C10orf143: variants seen among roughly 807,000 people sequenced by gnomAD.
The protein encoded by C10orf143 is uncharacterized protein C10orf143.
Position 130,056,142 on chromosome 10 carries a change from T to A in C10orf143, c.298-20172A>T, listed in dbSNP as rs1247082190. Among the ~76,000 whole-genome samples the A allele has an allele frequency of 1.3e-5, 2 of 152,180 alleles. No individual in the cohort carries two copies. The highest frequency in any genetic ancestry group is 2.9e-5 in the Non-Finnish European group (2 of 68,040). On this transcript the variant is annotated intron_variant and NMD_transcript_variant, in intron 3 of 5. Coordinates refer to the C10orf143 transcript ENST00000643056. The surrounding 1 kb of genome is among the most constrained non-coding windows in gnomAD (Gnocchi z 4.6). ...AAATGCAATTTAAAGTAAGTAAATTTAGATGTCAGAAAGGAAATCTTGTTT... is the reference window on the plus strand; with the variant it reads ...AAATGCAATTTAAAGTAAGTAAATTAAGATGTCAGAAAGGAAATCTTGTTT...
At chr10:130,082,879 A>G (rs530409558) in intron 1 of C10orf143, among the ~76,000 whole-genome samples, 3 of 151,084 alleles carry the variant, frequency 2.0e-5, no homozygotes, top group African/African-American at 7.3e-5. Context: ...AAGATTTTCT[A>G]ACTATGATTC....
intron 3 of C10orf143, among the ~76,000 whole-genome samples, chr10:130,038,782 C>T (rs1166213170): frequency 6.6e-6 from 1 of 152,138 alleles, no homozygotes; most frequent in Non-Finnish European, 1.5e-5. Context: ...CTACAGCCCA[C>T]CTCAGTGCAG....
At position 130,064,028 on chromosome 10, in the gene C10orf143, C is replaced by T. The variant is rs1232690090; in HGVS notation, c.*326G>A. The T allele has an allele frequency of 4.3e-6, 1 of 234,308 alleles. No individual in the cohort carries two copies. The highest frequency in any genetic ancestry group is 8.2e-6 in the Non-Finnish European group (1 of 122,048). 14.5% of individuals were successfully genotyped at this position (234,308 alleles called of 1,614,324 possible). A position where few individuals can be genotyped will look rare whatever the true frequency, so the allele number is the denominator to read the frequency against. The stretch of plus-strand genomic sequence containing the variant: ...TCCATAGGCCATGAGTGCCCAAGCT[C>T]ATAGGAAGTTTGATACAAAATTTTT... On this transcript the variant is annotated 3_prime_UTR_variant, in exon 4 of 4. Coordinates refer to ENST00000637128, the MANE Select transcript of C10orf143 (RefSeq NM_001355042.2).
chr10:130,099,823 A>AT (rs1218779234), intron 1 of C10orf143, among the ~76,000 whole-genome samples: 5 of 141,036 alleles, frequency 3.5e-5, no homozygotes, highest in African/African-American at 5.3e-5. Flanking sequence ...GCTCAACCTA[A>AT]ATTTTTTTTA....
rs940638245 is a variant in C10orf143, at chr10:130,088,586, C to T, written c.70-8685G>A. ...AGTGTATAATGCTGGGTAATTCAGT[C>T]CTTAGGTACCAGGAACAGTCAGCTG... is the stretch of plus-strand genomic sequence containing the variant. On this transcript the variant is annotated intron_variant, in intron 1 of 3. Coordinates refer to ENST00000637128, the MANE Select transcript of C10orf143 (RefSeq NM_001355042.2). Among the ~76,000 whole-genome samples the T allele has an allele frequency of 7.2e-5, 11 of 152,150 alleles. No individual in the cohort carries two copies. In the South Asian group the frequency reaches 2.3e-3, roughly 32 times the overall value.
At chr10:130,036,638 T>C (rs1192047675) in intron 3 of C10orf143, among the ~76,000 whole-genome samples, 1 of 152,158 alleles carries the variant, frequency 6.6e-6, no homozygotes, top group Non-Finnish European at 1.5e-5. Context: ...TTCAATAGTA[T>C]TTGACAAAGA....
rs543402958 is a variant in C10orf143, at chr10:130,046,161, G to T, written c.298-10191C>A. On this transcript the variant is annotated intron_variant and NMD_transcript_variant, in intron 3 of 5. Coordinates refer to the C10orf143 transcript ENST00000643056. The stretch of plus-strand genomic sequence containing the variant: ...GAAGGGGCAGGGCACGAGGAGTGGG[G>T]CGAGAGGTGCTAAGTGGGGCCTGAG... Among the ~76,000 whole-genome samples the T allele has an allele frequency of 8.6e-4, 131 of 151,702 alleles. 2 individuals carry two copies. Among genetic ancestry groups the T allele is most frequent in the East Asian group, 1.8e-3 (9 of 5,124 alleles).
chr10:130,063,771 T>A (rs1329930471), downstream of C10orf143: 2 of 152,198 alleles, frequency 1.3e-5, no homozygotes, highest in African/African-American at 4.8e-5. Flanking sequence ...AGACGATACA[T>A]TGAAAACCCA....
chr10:130,081,125 T>TA (rs1861201097), intron 1 of C10orf143, among the ~76,000 whole-genome samples: 1 of 152,022 alleles, frequency 6.6e-6, no homozygotes, highest in Admixed American at 6.5e-5. Flanking sequence ...TCTGAAAGGC[T>TA]AAAAATAAAA....
intron 3 of C10orf143, among the ~76,000 whole-genome samples, chr10:130,043,157 C>A (rs567333659): frequency 4.6e-5 from 7 of 152,272 alleles, no homozygotes; most frequent in Admixed American, 6.5e-5. Context: ...AATTAAAACA[C>A]CAACAGATGA....
Position 130,065,003 on chromosome 10 carries a change from G to A in C10orf143, c.298-620C>T, listed in dbSNP as rs7086094. ...GCCACATATCCTGGCACATAGCAGC[G>A]TGGCACTCTGGCCCACAGGCAGAGA... On this transcript the variant is annotated intron_variant, in intron 3 of 3. Coordinates refer to ENST00000637128, the MANE Select transcript of C10orf143 (RefSeq NM_001355042.2). The surrounding 1 kb of genome is among the most constrained non-coding windows in gnomAD (Gnocchi z 4.2). The A allele has an allele frequency of 0.05, 7,548 of 152,480 alleles. 483 individuals are homozygous for A. The highest frequency in any genetic ancestry group is 0.15 in the African/African-American group (6,086 of 41,572). The allele number at this position is 152,480 out of a possible 1,614,324, so 9.4% of individuals were successfully genotyped here. A position where few individuals can be genotyped will look rare whatever the true frequency, so the allele number is the denominator to read the frequency against.
At chr10:130,080,470 G>GA (rs551934165) in intron 1 of C10orf143, among the ~76,000 whole-genome samples, 16 of 152,178 alleles carry the variant, frequency 1.1e-4, no homozygotes, top group African/African-American at 3.9e-4. Context: ...TAATGCTAAA[G>GA]AAAAAAAGTA....
intron 3 of C10orf143, among the ~76,000 whole-genome samples, chr10:130,054,434 C>A (rs982574846): frequency 6.6e-6 from 1 of 152,188 alleles, no homozygotes; most frequent in African/African-American, 2.4e-5. Context: ...AGTGGGCATG[C>A]AGGTTGTTTT....
intron 3 of C10orf143, among the ~76,000 whole-genome samples, chr10:130,043,050 G>A (rs889815841): frequency 2.0e-4 from 30 of 152,202 alleles, no homozygotes; most frequent in African/African-American, 7.0e-4. Flanking sequence ...GCAGCTGGGT[G>A]AGGGGCGTGG....
chr10:130,107,396 A>T (rs1861670652), intron 1 of C10orf143: 1 of 1,156,820 alleles, frequency 8.6e-7, no homozygotes, highest in African/African-American at 1.5e-5. Flanking sequence ...TCAACGGCAG[A>T]TTATTTCCCA....
rs1861174889 is a variant in C10orf143 at position 130,079,734 on chromosome 10, T to C, written c.234+3A>G. On this transcript the variant is annotated splice_donor_region_variant and intron_variant, in intron 2 of 3. Coordinates refer to ENST00000637128, the MANE Select transcript of C10orf143 (RefSeq NM_001355042.2). ...AAGTAGTTTGGTGGGAAGAGGAACATACCCCTGTACTTAGCCTCCCCTGGC... is the reference window on the plus strand; with the variant it reads ...AAGTAGTTTGGTGGGAAGAGGAACACACCCCTGTACTTAGCCTCCCCTGGC... 2.5e-6 allele frequency: 1 copy of C among 398,688 alleles called. No homozygotes were observed. Among genetic ancestry groups the C allele is most frequent in the Non-Finnish European group, 4.4e-6 (1 of 226,078 alleles). 24.7% of individuals were successfully genotyped at this position (398,688 alleles called of 1,614,324 possible).
At chr10:130,039,532 C>T (rs1860583434) in intron 3 of C10orf143, among the ~76,000 whole-genome samples, 1 of 152,156 alleles carries the variant, frequency 6.6e-6, no homozygotes, top group Admixed American at 6.5e-5. Flanking sequence ...TGCTGCCTGC[C>T]CACACTGATC....
At chr10:130,035,765 T>C (rs1860538403) in intron 4 of C10orf143, 1 of 152,300 alleles carries the variant, frequency 6.6e-6, no homozygotes, top group Non-Finnish European at 1.5e-5. Flanking sequence ...CTTTACATGG[T>C]TAATTCAGTT....
chr10:130,098,510 T>G (rs1861497750), intron 1 of C10orf143, among the ~76,000 whole-genome samples: 1 of 152,204 alleles, frequency 6.6e-6, no homozygotes, highest in African/African-American at 2.4e-5. Flanking sequence ...ACCAACAATT[T>G]TATGCATTTG....
Sources: gnomAD v4.1 joint callset for allele counts (sites outside exome capture counted in the v4.1 genomes callset) on GRCh38, gnomAD v4.1.1 for gene constraint, Gnocchi (gnomAD v3.1) non-coding constraint, MANE v1.5 for transcripts, NCBI Gene and HGNC (gene_info 2026-07-23, HGNC 2026-07-21) for gene names.